ZNF69: variants seen among roughly 807,000 people sequenced by gnomAD.
ZNF69 encodes the protein zinc finger protein 69, also known as ZNF3.
Under a neutral mutation model 50.9 loss-of-function variants are expected in ZNF69, and 47 were observed. That is an observed-to-expected ratio of 0.92 (90% CI 0.73 to 1.18). ZNF69 has a LOEUF of 1.18. Ranked by LOEUF, ZNF69 falls within the 50% of genes most tolerant of loss-of-function variation. The pLI, the probability that ZNF69 is intolerant of heterozygous loss-of-function variation, is 0.00. For missense variants in ZNF69, 717 were observed against 675.1 expected (o/e 1.06, Z -0.69); for synonymous variants, 216 against 223.1 (o/e 0.97, Z 0.29).
At chr19:11,916,229 A>C (rs1385297416), downstream of ZNF69, among the ~76,000 whole-genome samples, 1 of 152,220 alleles carries the variant, frequency 6.6e-6, no homozygotes, top group Non-Finnish European at 1.5e-5. Context: ...TGAACTTGTA[A>C]GTAAAAATAG....
At chr19:11,937,057 T>C in the ZNF69 span, among the ~76,000 whole-genome samples, 1 of 152,218 alleles carries the variant, frequency 6.6e-6, no homozygotes, top group East Asian at 1.9e-4. Context: ...ATATCTGTTT[T>C]GGTCCCAGTA....
chr19:11,957,090 AGTTTTT>A, the ZNF69 span, among the ~76,000 whole-genome samples: 1 of 138,948 alleles, frequency 7.2e-6, no homozygotes, highest in Non-Finnish European at 1.6e-5. Context: ...GTAAGAAATA[AGTTTTT>A]TTTTTTTTTT....
the ZNF69 span, among the ~76,000 whole-genome samples, chr19:11,938,568 CCTT>C: frequency 6.6e-6 from 1 of 152,160 alleles, no homozygotes; most frequent in African/African-American, 2.4e-5. Context: ...ATGAACTCAT[CCTT>C]TTTTGTGGCT....
At chr19:11,893,546 A>C (rs1303739587) in intron 1 of ZNF69, among the ~76,000 whole-genome samples, 1 of 152,216 alleles carries the variant, frequency 6.6e-6, no homozygotes, top group Non-Finnish European at 1.5e-5. Flanking sequence ...TCCTAGACAC[A>C]GTCACCTTAT....
chr19:11,922,152 T>C, the ZNF69 span, among the ~76,000 whole-genome samples: 1 of 152,198 alleles, frequency 6.6e-6, no homozygotes, highest in Non-Finnish European at 1.5e-5. Context: ...CAGATTCTTT[T>C]ACTGTTACTC....
the ZNF69 span, chr19:11,949,678 C>T: frequency 7.4e-6 from 12 of 1,613,642 alleles, no homozygotes; most frequent in South Asian, 2.2e-5. Context: ...CAATTCCCTT[C>T]GATATCATGA....
At chr19:11,889,096 G>A (rs1391867955) in intron 1 of ZNF69, among the ~76,000 whole-genome samples, 1 of 152,146 alleles carries the variant, frequency 6.6e-6, no homozygotes, top group East Asian at 1.9e-4. Context: ...CTAAAGTTTG[G>A]AGGAGGTAGG....
In ZNF69 at chr19:11,904,990, G is replaced by A. The variant is rs1479567611; in HGVS notation, c.593G>A (p.Gly198Glu). 2.5e-6 allele frequency: 4 copies of A among 1,614,012 alleles called. No individual in the cohort carries two copies. Among genetic ancestry groups the A allele is most frequent in the African/African-American group, 1.3e-5 (1 of 74,906 alleles). ...GEKPYACKEC[G>E]KTFISHSSIQ... is the part of the protein sequence containing the mutation. ...AAACCCTATGCTTGTAAAGAATGTG[G>A]AAAAACTTTTATTTCCCATTCAAGC... Residue 198 changes from glycine to glutamate, a missense_variant, in exon 4 of 4, where the codon GGA becomes GAA. Transcript: ENST00000429654.
chr19:11,924,521 G>A, the ZNF69 span, among the ~76,000 whole-genome samples: 2 of 152,120 alleles, frequency 1.3e-5, no homozygotes, highest in South Asian at 2.1e-4. Context: ...GGCGTCACCT[G>A]GATAAAGGGT....
chr19:11,977,996 C>G, the ZNF69 span: 1 of 1,266,620 alleles, frequency 7.9e-7, no homozygotes, highest in East Asian at 2.4e-5. Flanking sequence ...TACCTTCAAA[C>G]AATTCAGCCA....
chr19:11,895,169 C>T (rs891644599), intron 1 of ZNF69, among the ~76,000 whole-genome samples: 6 of 152,188 alleles, frequency 3.9e-5, no homozygotes, highest in African/African-American at 1.4e-4. Flanking sequence ...ATTAACTTTA[C>T]GTTGCATTTT....
chr19:11,903,707 T>C lies in ZNF69; in HGVS notation c.190+8T>C, dbSNP rs748390557. On this transcript the variant is annotated splice_region_variant and intron_variant, in intron 2 of 3. Transcript: ENST00000429654. ...GGAACCTGACCTCTGTAGGTAAGGATGACATATTCCTTCCCTCAGTCCATT... is the reference window on the plus strand; with the variant it reads ...GGAACCTGACCTCTGTAGGTAAGGACGACATATTCCTTCCCTCAGTCCATT... The C allele has an allele frequency of 1.9e-6, 3 of 1,613,800 alleles. No homozygotes were observed. Among genetic ancestry groups the C allele is most frequent in the South Asian group, 1.1e-5 (1 of 91,052 alleles).
chr19:11,925,744 G>T, the ZNF69 span, among the ~76,000 whole-genome samples: 3 of 152,154 alleles, frequency 2.0e-5, no homozygotes, highest in African/African-American at 7.2e-5. Context: ...GAAACACCCC[G>T]TCCTGGGTTG....
the ZNF69 span, among the ~76,000 whole-genome samples, chr19:11,957,090 A>ACTTTTT: frequency 7.2e-6 from 1 of 138,950 alleles, no homozygotes. Flanking sequence ...GTAAGAAATA[A>ACTTTTT]GTTTTTTTTT....
chr19:11,903,741 A>G, intron 2 of ZNF69, 42 bp downstream of exon 2: 4 of 1,610,464 alleles, frequency 2.5e-6, no homozygotes, highest in South Asian at 1.1e-5. Context: ...TTAGTGAACC[A>G]GTGTTTCTAG....
the ZNF69 span, among the ~76,000 whole-genome samples, chr19:11,974,155 TTTCC>T: frequency 5.3e-3 from 617 of 115,644 alleles, 4 homozygotes; most frequent in African/African-American, 0.023. Flanking sequence ...TCTTTCTTTC[TTTCC>T]TTCCTTCCTT....
At chr19:11,937,270 A>G in the ZNF69 span, among the ~76,000 whole-genome samples, 1 of 152,124 alleles carries the variant, frequency 6.6e-6, no homozygotes, top group Admixed American at 6.6e-5. Context: ...GAAGTTCTGT[A>G]TCTAATTCAT....
At chr19:11,950,456 C>A in the ZNF69 span, 1 of 709,160 alleles carries the variant, frequency 1.4e-6, no homozygotes, top group Non-Finnish European at 2.5e-6. Flanking sequence ...AGGACTCACA[C>A]GGGAGAGAAA....
chr19:11,915,408 GTGA>G (rs1972513571), downstream of ZNF69, among the ~76,000 whole-genome samples: 1 of 152,226 alleles, frequency 6.6e-6, no homozygotes, highest in South Asian at 2.1e-4. Flanking sequence ...CAGGCTGAGG[GTGA>G]TGAACAGGAC....
Sources: gnomAD v4.1 joint callset for allele counts (sites outside exome capture counted in the v4.1 genomes callset) on GRCh38, gnomAD v4.1.1 for gene constraint, MANE v1.5 for transcripts, NCBI Gene and HGNC (gene_info 2026-07-23, HGNC 2026-07-21) for gene names.